Variants in MGAT5 observed in about 807,000 individuals in gnomAD.
MGAT5 encodes the protein alpha-1,6-mannosylglycoprotein 6-beta-N-acetylglucosaminyltransferase, also known as alpha-1,6-mannosylglycoprotein 6-beta-N-acetylglucosaminyltransferase A.
In MGAT5, 30 loss-of-function variants were observed where a neutral mutation model predicts 94.3. That is an observed-to-expected ratio of 0.32 (90% CI 0.24 to 0.43). The LOEUF is 0.43. Ranked by LOEUF, MGAT5 falls within the 20% of genes least tolerant of loss-of-function variation. The pLI is 1.00. For missense variants in MGAT5, 691 were observed against 905.5 expected, an observed-to-expected ratio of 0.76 and a Z score of 3.04; for synonymous variants, 310 against 322.9, an observed-to-expected ratio of 0.96 and a Z score of 0.43.
chr2:134,312,864 G>A (rs1323677444), intron 2 of MGAT5, among the ~76,000 whole-genome samples: 2 of 152,034 alleles, frequency 1.3e-5, no homozygotes, highest in East Asian at 3.9e-4. Context: ...TTTCTAAAAC[G>A]GGATAATGTA....
chr2:134,407,801 G>A (rs1683425041), intron 11 of MGAT5, among the ~76,000 whole-genome samples: 1 of 152,192 alleles, frequency 6.6e-6, no homozygotes, highest in South Asian at 2.1e-4. Context: ...CTGTCACGCT[G>A]AGTGGGGCCA....
intron 2 of MGAT5, among the ~76,000 whole-genome samples, chr2:134,291,211 T>C (rs1685334366): frequency 6.6e-6 from 1 of 152,136 alleles, no homozygotes; most frequent in Admixed American, 6.5e-5. Context: ...CCCAAGGCGA[T>C]GGTGTTAAAT....
intron 10 of MGAT5, among the ~76,000 whole-genome samples, chr2:134,386,380 G>T (rs1024133959): frequency 2.6e-5 from 4 of 152,176 alleles, no homozygotes; most frequent in African/African-American, 9.7e-5. Flanking sequence ...ATCAAATTAA[G>T]AATTACATTC....
intron 9 of MGAT5, among the ~76,000 whole-genome samples, chr2:134,353,930 G>A (rs1483079969): frequency 1.3e-5 from 2 of 152,052 alleles, no homozygotes; most frequent in Non-Finnish European, 2.9e-5. Flanking sequence ...GTTTTCCAGC[G>A]CCTGCCCACA....
intron 1 of MGAT5, among the ~76,000 whole-genome samples, chr2:134,196,937 C>T (rs576472373): frequency 2.2e-4 from 34 of 152,328 alleles, no homozygotes; most frequent in African/African-American, 7.9e-4. Context: ...GTTTGATTTA[C>T]AAGGGGATTT....
At chr2:134,395,896 C>T (rs1469113757) in intron 10 of MGAT5, among the ~76,000 whole-genome samples, 1 of 152,162 alleles carries the variant, frequency 6.6e-6, no homozygotes, top group East Asian at 1.9e-4. Flanking sequence ...GACCCATTGC[C>T]CAAGATGAAT....
chr2:134,360,685 G>A (rs1476145588), intron 9 of MGAT5, among the ~76,000 whole-genome samples: 1 of 152,110 alleles, frequency 6.6e-6, no homozygotes, highest in Non-Finnish European at 1.5e-5. Flanking sequence ...TCCTCTCCCC[G>A]CTAATCCTTG....
intron 1 of MGAT5, among the ~76,000 whole-genome samples, chr2:134,180,966 T>A (rs1051429801): frequency 6.6e-6 from 1 of 152,242 alleles, no homozygotes; most frequent in Non-Finnish European, 1.5e-5. Context: ...CGATACCCTG[T>A]CTCGCCTAAA....
chr2:134,229,936 G>A (rs1195313357), intron 1 of MGAT5, among the ~76,000 whole-genome samples: 5 of 152,158 alleles, frequency 3.3e-5, no homozygotes, highest in African/African-American at 1.2e-4. Flanking sequence ...ACTCTCTTTA[G>A]TCAGCAGGAA....
Position 134,189,602 on chromosome 2 carries a change from G to GTTTTTT in MGAT5, c.-142-64647_-142-64642dup, listed in dbSNP as rs912983981. On this transcript the variant is annotated intron_variant, in intron 1 of 16. Transcript: ENST00000409645. Reference sequence around the variant, plus strand: ...AACCTCATGGCTCTAGTTTTTTTTTGTTTTTTTTTTTTTTTTTTAAGACAG... The same window carrying GTTTTTT: ...AACCTCATGGCTCTAGTTTTTTTTTGTTTTTTTTTTTTTTTTTTTTTTTTAAGACAG... Among the ~76,000 whole-genome samples, 105 of 84,548 alleles carry GTTTTTT rather than the reference G, an allele frequency of 1.2e-3. 6 individuals carry two copies. Among genetic ancestry groups the GTTTTTT allele is most frequent in the African/African-American group, 4.0e-3 (84 of 20,956 alleles). 55.5% of individuals were successfully genotyped at this position (84,548 alleles called of 152,430 possible). A position where few individuals can be genotyped will look rare whatever the true frequency, so the allele number is the denominator to read the frequency against.
At chr2:134,142,662 C>G (rs1037867418) in intron 1 of MGAT5, among the ~76,000 whole-genome samples, 3 of 152,180 alleles carry the variant, frequency 2.0e-5, no homozygotes, top group African/African-American at 7.2e-5. Flanking sequence ...TGGCAAGTTG[C>G]AAATCCCATG....
At chr2:134,129,371 T>G (rs1391426870) in intron 1 of MGAT5, among the ~76,000 whole-genome samples, 2 of 152,164 alleles carry the variant, frequency 1.3e-5, no homozygotes, top group South Asian at 2.1e-4. Context: ...CAGCGTAATC[T>G]CCCATCTACA....
intron 1 of MGAT5, among the ~76,000 whole-genome samples, chr2:134,191,510 G>GCCTCCTCCT (rs113436456): frequency 2.2e-5 from 3 of 138,994 alleles, no homozygotes; most frequent in Admixed American, 7.1e-5. Flanking sequence ...GCCGTCTTTC[G>GCCTCCTCCT]CCTCCTCCTC....
intron 9 of MGAT5, among the ~76,000 whole-genome samples, chr2:134,355,154 T>C (rs1334928263): frequency 1.3e-5 from 2 of 152,170 alleles, no homozygotes; most frequent in African/African-American, 4.8e-5. Context: ...AGTGACTTCC[T>C]CCAATTTTCC....
At chr2:134,446,436 C>CA (rs1293494005) in intron 15 of MGAT5, among the ~76,000 whole-genome samples, 6 of 149,952 alleles carry the variant, frequency 4.0e-5, no homozygotes, top group Admixed American at 1.3e-4. Context: ...GTAATTCACC[C>CA]AAAAAAAAAG....
At chr2:134,195,806 G>T (rs949829944) in intron 1 of MGAT5, among the ~76,000 whole-genome samples, 2 of 152,176 alleles carry the variant, frequency 1.3e-5, no homozygotes, top group Non-Finnish European at 1.5e-5. Context: ...CTTATTTTCC[G>T]TAGTGGATTT....
At chr2:134,419,792 C>T (rs187099743) in intron 12 of MGAT5, among the ~76,000 whole-genome samples, 7 of 152,164 alleles carry the variant, frequency 4.6e-5, no homozygotes, top group African/African-American at 1.7e-4. Flanking sequence ...CTTGGAGCAA[C>T]CTTGTAAATA....
intron 1 of MGAT5, among the ~76,000 whole-genome samples, chr2:134,241,783 C>A (rs1381405801): frequency 1.3e-5 from 2 of 152,000 alleles, no homozygotes; most frequent in Non-Finnish European, 2.9e-5. Context: ...TGAGAGAGAT[C>A]ATATATTACT....
intron 2 of MGAT5, among the ~76,000 whole-genome samples, chr2:134,284,407 GGTT>G (rs1301748913): frequency 1.3e-5 from 2 of 152,162 alleles, no homozygotes; most frequent in Admixed American, 6.5e-5. Flanking sequence ...AGAATTTAGT[GGTT>G]GTACAGGAGA....
Sources: allele counts gnomAD v4.1 joint callset (sites outside exome capture counted in the v4.1 genomes callset), GRCh38; gene constraint gnomAD v4.1.1; transcripts MANE v1.5; gene names NCBI Gene and HGNC (gene_info 2026-07-23, HGNC 2026-07-21).